DYNC1I1: variants seen among roughly 807,000 people sequenced by gnomAD.
DYNC1I1 encodes cytoplasmic dynein 1 intermediate chain 1.
A neutral mutation model predicts 86.6 loss-of-function variants in DYNC1I1; 43 were observed. The ratio of observed to expected loss-of-function variants is 0.50; its 90% confidence interval spans 0.39 to 0.64. The LOEUF (loss-of-function observed/expected upper bound fraction) is 0.64. Ranked by LOEUF, DYNC1I1 falls within the 30% of genes least tolerant of loss-of-function variation. The pLI is 0.00. For missense variants in DYNC1I1, 604 were observed against 788.8 expected, an observed-to-expected ratio of 0.77 and a Z score of 2.81; for synonymous variants, 262 against 283.7, an observed-to-expected ratio of 0.92 and a Z score of 0.77.
At chr7:95,891,695 T>C (rs1300918144) in intron 6 of DYNC1I1, among the ~76,000 whole-genome samples, 3 of 152,180 alleles carry the variant, frequency 2.0e-5, no homozygotes, top group African/African-American at 4.8e-5. Context: ...GGGTTATAAA[T>C]TGGGGGAAAG....
intron 10 of DYNC1I1, among the ~76,000 whole-genome samples, chr7:96,013,098 T>C (rs549845378): frequency 2.4e-4 from 36 of 151,974 alleles, no homozygotes; most frequent in Non-Finnish European, 4.9e-4. Flanking sequence ...CTGGATTATG[T>C]GGGTCGGCCC....
At chr7:96,028,461 A>G in intron 11 of DYNC1I1, 140 bp downstream of exon 11, 1 of 1,181,058 alleles carries the variant, frequency 8.5e-7, no homozygotes, top group Non-Finnish European at 1.1e-6. Flanking sequence ...TGACCAGCTA[A>G]AAGTTGAGTG....
chr7:95,953,882 A>G (rs1792627289), intron 6 of DYNC1I1, among the ~76,000 whole-genome samples: 1 of 152,182 alleles, frequency 6.6e-6, no homozygotes, highest in African/African-American at 2.4e-5. Flanking sequence ...TAAGTGCTTT[A>G]CTTGTGACTT....
intron 16 of DYNC1I1, among the ~76,000 whole-genome samples, chr7:96,105,791 C>T (rs948963792): frequency 2.0e-5 from 3 of 152,046 alleles, no homozygotes; most frequent in African/African-American, 4.8e-5. Flanking sequence ...TTTGTAGAAA[C>T]GTTTTTGGTA....
At chr7:95,876,089 A>AAGGG in intron 6 of DYNC1I1, among the ~76,000 whole-genome samples, 1 of 152,132 alleles carries the variant, frequency 6.6e-6, no homozygotes. Context: ...TATGGTGAAT[A>AAGGG]AGATCTATTG....
intron 14 of DYNC1I1, among the ~76,000 whole-genome samples, chr7:96,054,823 T>A (rs916230432): frequency 6.6e-6 from 1 of 152,208 alleles, no homozygotes; most frequent in African/African-American, 2.4e-5. Context: ...GTTGTTTTTT[T>A]CTTGTAAAAT....
chr7:95,962,331 T>A (rs746618383), intron 6 of DYNC1I1, among the ~76,000 whole-genome samples: 9 of 152,200 alleles, frequency 5.9e-5, no homozygotes, highest in Non-Finnish European at 1.0e-4. Flanking sequence ...TTATTTCATA[T>A]TTTGTTGTTT....
intron 10 of DYNC1I1, among the ~76,000 whole-genome samples, chr7:96,017,371 C>T (rs1245663162): frequency 1.3e-5 from 2 of 152,074 alleles, no homozygotes; most frequent in Non-Finnish European, 2.9e-5. Context: ...CAGTCTAGGC[C>T]TAGCAACTTG....
intron 6 of DYNC1I1, among the ~76,000 whole-genome samples, chr7:95,874,274 G>C (rs554117292): frequency 1.3e-5 from 2 of 152,306 alleles, no homozygotes; most frequent in Non-Finnish European, 2.9e-5. Flanking sequence ...TTTAGCATCA[G>C]CTATGGCAGA....
At chr7:95,947,166 T>C (rs952505355) in intron 6 of DYNC1I1, among the ~76,000 whole-genome samples, 10 of 152,232 alleles carry the variant, frequency 6.6e-5, no homozygotes, top group African/African-American at 2.4e-4. Context: ...GGACAGTTTG[T>C]GAAGATTTAA....
intron 10 of DYNC1I1, among the ~76,000 whole-genome samples, chr7:96,021,177 G>A (rs962119164): frequency 2.0e-5 from 3 of 152,164 alleles, no homozygotes; most frequent in Non-Finnish European, 2.9e-5. Flanking sequence ...CAAATTTTAT[G>A]AGTATTTCAC....
At chr7:96,056,990 C>T (rs765721711) in intron 14 of DYNC1I1, among the ~76,000 whole-genome samples, 2 of 152,166 alleles carry the variant, frequency 1.3e-5, no homozygotes, top group Non-Finnish European at 1.5e-5. Flanking sequence ...TCAAACACCT[C>T]CACCTGCATT....
chr7:96,091,287 C>G (rs1790837427), intron 16 of DYNC1I1, among the ~76,000 whole-genome samples: 1 of 152,072 alleles, frequency 6.6e-6, no homozygotes, highest in African/African-American at 2.4e-5. Flanking sequence ...TGTAAGATAT[C>G]TTTTTAACAG....
chr7:96,098,603 T>C (rs1791079821), downstream of DYNC1I1, among the ~76,000 whole-genome samples: 2 of 152,196 alleles, frequency 1.3e-5, no homozygotes, highest in Non-Finnish European at 2.9e-5. Context: ...TGAGGGAATG[T>C]GTGTGGTTTT....
At chr7:96,065,144 C>G (rs1310444388) in intron 14 of DYNC1I1, among the ~76,000 whole-genome samples, 4 of 152,180 alleles carry the variant, frequency 2.6e-5, no homozygotes, top group South Asian at 4.1e-4. Context: ...AATCTTCCAA[C>G]ACTTCTCAGT....
intron 12 of DYNC1I1, among the ~76,000 whole-genome samples, chr7:96,033,486 C>T (rs189888734): frequency 1.2e-3 from 177 of 152,268 alleles, no homozygotes; most frequent in African/African-American, 3.8e-3. Context: ...CATACACACA[C>T]GCTTTTTCCA....
intron 5 of DYNC1I1, among the ~76,000 whole-genome samples, chr7:95,835,942 T>C (rs1789075490): frequency 6.6e-6 from 1 of 152,234 alleles, no homozygotes; most frequent in Non-Finnish European, 1.5e-5. Context: ...CCAGTCTGTA[T>C]CTTTTAATTG....
intron 4 of DYNC1I1, among the ~76,000 whole-genome samples, chr7:95,827,723 T>C (rs978210863): frequency 1.3e-5 from 2 of 152,140 alleles, no homozygotes; most frequent in African/African-American, 2.4e-5. Context: ...GTGTCAGAGA[T>C]ACATGCAGTG....
At chr7:96,042,736 C>A (rs1271174033) in intron 14 of DYNC1I1, among the ~76,000 whole-genome samples, 1 of 152,110 alleles carries the variant, frequency 6.6e-6, no homozygotes, top group African/African-American at 2.4e-5. Context: ...TAAACAAACT[C>A]ATTATTTTGA....
Sources: allele counts gnomAD v4.1 joint callset (sites outside exome capture counted in the v4.1 genomes callset), GRCh38; gene constraint gnomAD v4.1.1; transcripts MANE v1.5; gene names NCBI Gene and HGNC (gene_info 2026-07-23, HGNC 2026-07-21).